VIT: variants seen among roughly 807,000 people sequenced by gnomAD.
The protein encoded by VIT is vitrin.
VIT carries 99 observed loss-of-function variants against 78.0 expected under a neutral mutation model. The ratio of observed to expected loss-of-function variants is 1.27; its 90% CI spans 1.08 to 1.50. VIT has a LOEUF of 1.50. Among genes scored for constraint, VIT ranks in the 40% most tolerant of loss-of-function variants. VIT has a pLI of 0.00. For synonymous variants in VIT, 374 were observed against 334.3 expected, an observed-to-expected ratio of 1.12 and a Z score of -1.29; for missense variants, 1,126 against 875.3, an observed-to-expected ratio of 1.29 and a Z score of -3.61.
At chr2:36,753,350 G>A (rs1296038302) in intron 4 of VIT, among the ~76,000 whole-genome samples, 1 of 150,820 alleles carries the variant, frequency 6.6e-6, no homozygotes, top group Non-Finnish European at 1.5e-5. Context: ...TCTGGCACAT[G>A]TACCCCTGAA....
At chr2:36,708,910 G>T (rs1197147151) in intron 1 of VIT, among the ~76,000 whole-genome samples, 1 of 152,194 alleles carries the variant, frequency 6.6e-6, no homozygotes, top group East Asian at 1.9e-4. Flanking sequence ...AGCACTTTGG[G>T]AGGCCAAGGC....
chr2:36,756,768 T>A (rs1256840526), intron 5 of VIT, among the ~76,000 whole-genome samples: 1 of 152,198 alleles, frequency 6.6e-6, no homozygotes, highest in Non-Finnish European at 1.5e-5. Flanking sequence ...AATACAAATA[T>A]GTTGAGACAG....
At chr2:36,748,204 T>G (rs1468350503) in intron 4 of VIT, among the ~76,000 whole-genome samples, 1 of 152,214 alleles carries the variant, frequency 6.6e-6, no homozygotes, top group Non-Finnish European at 1.5e-5. Context: ...ACCTTCAGAA[T>G]GGTCATCTTG....
At chr2:36,756,995 G>A (rs112761592) in intron 5 of VIT, among the ~76,000 whole-genome samples, 1,932 of 152,180 alleles carry the variant, frequency 0.013, 41 homozygotes, top group African/African-American at 0.044. Context: ...CCCCTCATTC[G>A]ACCTAGTGAC....
rs376942686 is a variant in VIT at position 36,802,361 on chromosome 2, A to G, written c.1162+957A>G. 1.4e-3 allele frequency among the ~76,000 whole-genome samples: 218 copies of G among 152,326 alleles called. 6 individuals are homozygous for G. In the South Asian group the frequency reaches 0.044, roughly 31 times the overall value. ...GAAAGTGTTTCTGTCATCAAAATCCAAAGAAATGGAGTCATGAGCCACAGT... is the reference window on the plus strand; with the variant it reads ...GAAAGTGTTTCTGTCATCAAAATCCGAAGAAATGGAGTCATGAGCCACAGT... On this transcript the variant is annotated intron_variant, in intron 13 of 15. Coordinates refer to ENST00000379242, the MANE Select transcript of VIT (RefSeq NM_053276.4).
At chr2:36,755,299 A>C (rs529584781) in intron 5 of VIT, among the ~76,000 whole-genome samples, 5 of 152,240 alleles carry the variant, frequency 3.3e-5, no homozygotes, top group Non-Finnish European at 5.9e-5. Context: ...GTTATCTGTA[A>C]GTCCAATCAG....
At chr2:36,807,638 A>G (rs989400768) in intron 14 of VIT, among the ~76,000 whole-genome samples, 2 of 152,256 alleles carry the variant, frequency 1.3e-5, no homozygotes, top group African/African-American at 4.8e-5. Flanking sequence ...TGTGACCCAG[A>G]GGCAGGGGTA....
intron 4 of VIT, among the ~76,000 whole-genome samples, chr2:36,747,526 T>A (rs1432525850): frequency 6.6e-6 from 1 of 152,222 alleles, no homozygotes; most frequent in Non-Finnish European, 1.5e-5. Flanking sequence ...TGAATTGAAC[T>A]CTTTATCATT....
intron 7 of VIT, among the ~76,000 whole-genome samples, chr2:36,773,375 T>A (rs577787412): frequency 2.1e-3 from 313 of 151,312 alleles, no homozygotes; most frequent in African/African-American, 7.4e-3. Flanking sequence ...ACTGCCCAAA[T>A]ATAGAGCTTC....
At chr2:36,728,791 C>G (rs1284524814) in intron 2 of VIT, among the ~76,000 whole-genome samples, 1 of 13,126 alleles carries the variant, frequency 7.6e-5, no homozygotes, top group African/African-American at 1.7e-4. Context: ...CCAGCCTGGG[C>G]GACAGAGCAA....
intron 3 of VIT, among the ~76,000 whole-genome samples, chr2:36,739,812 C>T (rs1667728633): frequency 6.6e-6 from 1 of 152,154 alleles, no homozygotes; most frequent in African/African-American, 2.4e-5. Flanking sequence ...GCAAAGGTGC[C>T]ACTCAAGAGG....
Position 36,805,636 on chromosome 2 carries a change from A to G in VIT, c.1361A>G (p.Tyr454Cys), listed in dbSNP as rs371555668. The change falls in exon 14 of 16, where the codon TAT (tyrosine) becomes TGT (cysteine). Residue 454 changes from tyrosine (Y) to cysteine (C), a missense_variant. Physicochemically the swap from Tyr to Cys is radical, Grantham distance 194. Transcript: ENST00000379242. ...IEGAAENEKQ[Y>C]VVEPNFANKA... ...GGTGCTGCTGAAAATGAGAAGCAGT[A>G]TGTGGTGGAGCCCAACTTTGCAAAC... is the stretch of plus-strand genomic sequence containing the variant. 1.2e-6 allele frequency: 2 copies of G among 1,614,006 alleles called. No homozygotes were observed. Among genetic ancestry groups the G allele is most frequent in the African/African-American group, 2.7e-5 (2 of 74,920 alleles).
At chr2:36,709,788 A>C (rs1665687848) in intron 1 of VIT, among the ~76,000 whole-genome samples, 2 of 152,144 alleles carry the variant, frequency 1.3e-5, no homozygotes, top group African/African-American at 4.8e-5. Flanking sequence ...AAAAGAGAGG[A>C]TTACTCAGGA....
Position 36,814,387 on chromosome 2 carries a change from A to G in VIT, c.*26A>G. On this transcript the variant is annotated 3_prime_UTR_variant, in exon 16 of 16. Transcript: ENST00000379242. ...ATTCAGAGCAGGCAGAGCACCAGCA[A>G]GTGCTGCTTTACTAACTGACGTGTT... 6.2e-7 allele frequency: 1 copy of G among 1,612,126 alleles called. No individual in the cohort carries two copies. Among genetic ancestry groups the G allele is most frequent in the Non-Finnish European group, 8.5e-7 (1 of 1,178,840 alleles).
intron 2 of VIT, among the ~76,000 whole-genome samples, chr2:36,720,075 G>A (rs6744274): frequency 0.82 from 125,074 of 152,198 alleles, 52,245 homozygotes; most frequent in East Asian, 0.9. Flanking sequence ...AGATTCTTCA[G>A]TGCAATCCTC....
At chr2:36,808,421 C>A in intron 14 of VIT, 51 bp from the exon 15 acceptor site, 11 of 1,553,504 alleles carry the variant, frequency 7.1e-6, no homozygotes, top group Non-Finnish European at 8.7e-6. Flanking sequence ...AATGGTGACA[C>A]TGGAGGATTT....
chr2:36,716,275 C>G, intron 1 of VIT, 78 bp from the exon 2 acceptor site: 1 of 1,178,034 alleles, frequency 8.5e-7, no homozygotes, highest in Non-Finnish European at 1.3e-6. Context: ...ATGATGCAGT[C>G]TATCCCCACA....
At chr2:36,712,257 C>T (rs902735054) in intron 1 of VIT, among the ~76,000 whole-genome samples, 1 of 152,174 alleles carries the variant, frequency 6.6e-6, no homozygotes, top group African/African-American at 2.4e-5. Context: ...TTCACGTATT[C>T]TAAGATACTA....
In VIT at chr2:36,743,229, C is replaced by G. The variant is rs780454816; in HGVS notation, c.248C>G (p.Ser83Cys). ...GGCACTGACGTGTATGCATCCTACT[C>G]CAGTGTGTGTGGCGCTGCCGTACAC... is the stretch of plus-strand genomic sequence containing the variant. ...VYGTDVYASY[S>C]SVCGAAVHSG... The change falls in exon 4 of 16, where the codon TCC becomes TGC. Residue 83 changes from serine (S) to cysteine (C), a missense_variant. Transcript: ENST00000379242. 6.2e-7 allele frequency: 1 copy of G among 1,614,036 alleles called. No individual in the cohort carries two copies. Among genetic ancestry groups the G allele is most frequent in the East Asian group, 2.2e-5 (1 of 44,890 alleles).
Sources: gnomAD v4.1 joint callset for allele counts (sites outside exome capture counted in the v4.1 genomes callset) on GRCh38, gnomAD v4.1.1 for gene constraint, MANE v1.5 for transcripts, NCBI Gene and HGNC (gene_info 2026-07-23, HGNC 2026-07-21) for gene names.